Variants in MCTP2 observed in about 807,000 individuals in gnomAD.
The protein encoded by MCTP2 is multiple C2 and transmembrane domain containing 2, also known as multiple C2 and transmembrane domain-containing protein 2.
MCTP2 carries 132 observed loss-of-function variants against 111.6 expected under a neutral mutation model. The observed-to-expected ratio is 1.18, with a 90% CI of 1.03 to 1.37. The LOEUF (loss-of-function observed/expected upper bound fraction) is 1.37, where lower values mean the gene tolerates loss of function less well. Ranked by LOEUF, MCTP2 falls within the 40% of genes most tolerant of loss-of-function variation. The pLI is 0.00. For missense variants in MCTP2, 1,183 were observed against 1,067.9 expected (o/e 1.11, Z -1.50); for synonymous variants, 395 against 387.7 (o/e 1.02, Z -0.22).
intron 21 of MCTP2, among the ~76,000 whole-genome samples, chr15:94,475,040 A>G (rs773321307): frequency 1.3e-5 from 2 of 152,190 alleles, no homozygotes; most frequent in Admixed American, 6.5e-5. Context: ...TGCGCACACC[A>G]TATATAATTA....
chr15:94,281,541 AT>A (rs2074487693), intron 1 of MCTP2, among the ~76,000 whole-genome samples: 1 of 152,078 alleles, frequency 6.6e-6, no homozygotes, highest in Non-Finnish European at 1.5e-5. Flanking sequence ...TAAGTGGGGT[AT>A]TTAGCTTATT....
At chr15:94,329,720 G>A (rs903125608) in intron 4 of MCTP2, among the ~76,000 whole-genome samples, 1 of 152,024 alleles carries the variant, frequency 6.6e-6, no homozygotes, top group Non-Finnish European at 1.5e-5. Context: ...TGTGGATGGG[G>A]ACACACATCC....
chr15:94,233,372 G>A (rs922361702), intron 1 of MCTP2, among the ~76,000 whole-genome samples: 4 of 151,808 alleles, frequency 2.6e-5, no homozygotes, highest in Admixed American at 2.0e-4. Flanking sequence ...ATCCAAACAG[G>A]GCCAATTAAT....
intron 17 of MCTP2, among the ~76,000 whole-genome samples, chr15:94,405,651 G>C (rs554686143): frequency 8.5e-5 from 13 of 152,308 alleles, no homozygotes; most frequent in South Asian, 2.1e-4. Flanking sequence ...TGTTAATGTT[G>C]CTGCATAGTG....
chr15:94,280,488 A>G (rs1213927908), intron 1 of MCTP2, among the ~76,000 whole-genome samples: 1 of 124,884 alleles, frequency 8.0e-6, no homozygotes, highest in African/African-American at 3.0e-5. Context: ...GTTGATTTGG[A>G]TCTTCTCTTT....
At chr15:94,457,188 A>G (rs2084887087) in intron 19 of MCTP2, among the ~76,000 whole-genome samples, 1 of 152,200 alleles carries the variant, frequency 6.6e-6, no homozygotes, top group Admixed American at 6.5e-5. Context: ...CCAGAGAGGT[A>G]GAAGTTGAGA....
At chr15:94,453,200 C>G (rs2084576903) in intron 19 of MCTP2, among the ~76,000 whole-genome samples, 1 of 152,188 alleles carries the variant, frequency 6.6e-6, no homozygotes, top group Non-Finnish European at 1.5e-5. Context: ...GTGGTCATTA[C>G]TGGTAGCCCA....
chr15:94,369,927 C>G (rs1007484694), intron 11 of MCTP2, among the ~76,000 whole-genome samples, 160 bp from the exon 12 acceptor site: 1 of 151,144 alleles, frequency 6.6e-6, no homozygotes, highest in Admixed American at 6.7e-5. Flanking sequence ...GCTATAAGTG[C>G]CTAACCGTCC....
At chr15:94,365,172 C>T (rs1337123289) in intron 10 of MCTP2, among the ~76,000 whole-genome samples, 3 of 152,154 alleles carry the variant, frequency 2.0e-5, no homozygotes, top group Non-Finnish European at 2.9e-5. Context: ...TATCATGATG[C>T]TAATATATCA....
intron 1 of MCTP2, among the ~76,000 whole-genome samples, chr15:94,268,363 G>A (rs544898952): frequency 1.3e-3 from 140 of 109,572 alleles, no homozygotes; most frequent in African/African-American, 4.6e-3. Flanking sequence ...TTTTTTTTTT[G>A]TATTTTTAGT....
At chr15:94,330,085 A>G (rs540766800) in intron 4 of MCTP2, among the ~76,000 whole-genome samples, 1 of 152,354 alleles carries the variant, frequency 6.6e-6, no homozygotes, top group Admixed American at 6.5e-5. Flanking sequence ...TATTTCACTT[A>G]GCATAATGTC....
intron 1 of MCTP2, chr15:94,273,891 G>T (rs898166166): frequency 1.3e-5 from 3 of 237,396 alleles, no homozygotes; most frequent in Non-Finnish European, 2.8e-5. Context: ...GCTCTCACCA[G>T]GCCAAAACTG....
intron 19 of MCTP2, among the ~76,000 whole-genome samples, chr15:94,450,947 G>GTTAA (rs2084405303): frequency 6.6e-6 from 1 of 152,200 alleles, no homozygotes; most frequent in African/African-American, 2.4e-5. Flanking sequence ...TTTTGATGGT[G>GTTAA]TTAATTCTCT....
chr15:94,341,125 G>T, intron 7 of MCTP2: 2 of 512,136 alleles, frequency 3.9e-6, no homozygotes, highest in South Asian at 2.7e-5. Context: ...AATTTGTTAA[G>T]GAATTATTTC....
intron 2 of MCTP2, among the ~76,000 whole-genome samples, chr15:94,303,538 C>T (rs2075744378): frequency 6.6e-6 from 1 of 152,066 alleles, no homozygotes; most frequent in Non-Finnish European, 1.5e-5. Context: ...TCGGTCTAAT[C>T]AAGTTGACAT....
At chr15:94,358,655 A>G (rs761174032) in intron 10 of MCTP2, 43 bp downstream of exon 10, 1 of 1,606,956 alleles carries the variant, frequency 6.2e-7, no homozygotes, top group Admixed American at 1.7e-5. Flanking sequence ...ATGTTTCTGC[A>G]TGGGGCTGGT....
intron 4 of MCTP2, among the ~76,000 whole-genome samples, chr15:94,318,107 T>C (rs1198707800): frequency 6.6e-6 from 1 of 152,128 alleles, no homozygotes; most frequent in African/African-American, 2.4e-5. Flanking sequence ...CGGCACAGTG[T>C]CCAGTGGTTA....
intron 4 of MCTP2, among the ~76,000 whole-genome samples, chr15:94,321,042 G>A (rs1441355932): frequency 6.6e-6 from 1 of 152,158 alleles, no homozygotes; most frequent in East Asian, 1.9e-4. Context: ...GGGACAAAAT[G>A]TTAAGTAAAA....
intron 1 of MCTP2, among the ~76,000 whole-genome samples, chr15:94,269,102 T>G (rs1395183295): frequency 6.6e-6 from 1 of 152,224 alleles, no homozygotes; most frequent in African/African-American, 2.4e-5. Context: ...TGTTCATTTG[T>G]CTTTCACACT....
Sources: gnomAD v4.1 joint callset for allele counts (sites outside exome capture counted in the v4.1 genomes callset) on GRCh38, gnomAD v4.1.1 for gene constraint, MANE v1.5 for transcripts, NCBI Gene and HGNC (gene_info 2026-07-23, HGNC 2026-07-21) for gene names.